CADM2: variants seen among roughly 807,000 people sequenced by gnomAD.
CADM2 encodes the protein immunoglobulin superfamily member 4D.
In CADM2, 12 loss-of-function variants were observed where a neutral mutation model predicts 49.8. That is an observed-to-expected ratio of 0.24 (90% CI 0.15 to 0.39). CADM2 has a LOEUF of 0.39. Ranked by LOEUF, CADM2 falls within the 10% of genes least tolerant of loss-of-function variation. The pLI, the probability that CADM2 is intolerant of heterozygous loss-of-function variation, is 1.00. For missense variants in CADM2, 378 were observed against 492.3 expected, an observed-to-expected ratio of 0.77 and a Z score of 2.20; for synonymous variants, 214 against 175.4, an observed-to-expected ratio of 1.22 and a Z score of -1.74.
intron 1 of CADM2, among the ~76,000 whole-genome samples, chr3:84,967,295 G>T (rs906912440): frequency 2.3e-4 from 35 of 151,826 alleles, no homozygotes; most frequent in African/African-American, 8.2e-4. Flanking sequence ...AAACATCAAG[G>T]CCTAAAATTT....
chr3:86,027,137 A>G (rs1188289014), intron 8 of CADM2, among the ~76,000 whole-genome samples: 1 of 152,170 alleles, frequency 6.6e-6, no homozygotes, highest in East Asian at 1.9e-4. Context: ...TAAGTTTGCT[A>G]TTTGAAAACT....
chr3:85,034,829 AGGCTTGCCCT>A (rs1368550801), intron 1 of CADM2, among the ~76,000 whole-genome samples: 1 of 110,424 alleles, frequency 9.1e-6, no homozygotes, highest in African/African-American at 4.0e-5. Flanking sequence ...CCTGAGACAG[AGGCTTGCCCT>A]GTCACCCAGG....
At chr3:85,521,240 G>A (rs2061020526) in intron 1 of CADM2, among the ~76,000 whole-genome samples, 1 of 152,020 alleles carries the variant, frequency 6.6e-6, no homozygotes, top group African/African-American at 2.4e-5. Flanking sequence ...CTTTGGATGT[G>A]CCACAGTAAT....
rs529105232 is a variant in CADM2 at position 85,451,238 on chromosome 3, C to T, written c.62-275284C>T. ...AATTAAAAGACCAGGAAGTCTCTTT[C>T]AGAAAGAATGGGAATGAATCTATAT... On this transcript the variant is annotated intron_variant, in intron 1 of 9. Coordinates refer to ENST00000383699, the MANE Select transcript of CADM2 (RefSeq NM_001167675.2). Among the ~76,000 whole-genome samples the T allele has an allele frequency of 1.5e-4, 23 of 152,026 alleles. No homozygotes were observed. The East Asian group carries it at 3.9e-3, about 26-fold the overall frequency.
intron 1 of CADM2, among the ~76,000 whole-genome samples, chr3:85,538,517 TC>T (rs1263178631): frequency 6.6e-6 from 1 of 152,144 alleles, no homozygotes; most frequent in Non-Finnish European, 1.5e-5. Flanking sequence ...ACTGCTTTGT[TC>T]ATGTTTGTTT....
At chr3:85,266,861 C>T (rs2043131621) in intron 1 of CADM2, among the ~76,000 whole-genome samples, 1 of 151,778 alleles carries the variant, frequency 6.6e-6, no homozygotes, top group South Asian at 2.1e-4. Context: ...CAACTTAAAG[C>T]ATGAAAACAT....
intron 1 of CADM2, among the ~76,000 whole-genome samples, chr3:85,089,285 A>G (rs995123938): frequency 6.6e-6 from 1 of 152,080 alleles, no homozygotes; most frequent in African/African-American, 2.4e-5. Context: ...TTTGGCATTA[A>G]ATTCACTTCT....
intron 8 of CADM2, among the ~76,000 whole-genome samples, chr3:86,004,101 T>C (rs1162028670): frequency 2.0e-5 from 3 of 151,806 alleles, no homozygotes; most frequent in Non-Finnish European, 4.4e-5. Context: ...GAAAGGAAGA[T>C]AGTGGTTGCT....
chr3:85,239,263 G>A (rs866192014), intron 1 of CADM2, among the ~76,000 whole-genome samples: 1 of 151,732 alleles, frequency 6.6e-6, no homozygotes, highest in South Asian at 2.1e-4. Flanking sequence ...CTTATATGCC[G>A]ATGTCTTTTG....
chr3:85,098,164 A>G (rs2037874212), intron 1 of CADM2, among the ~76,000 whole-genome samples: 1 of 152,130 alleles, frequency 6.6e-6, no homozygotes, highest in Non-Finnish European at 1.5e-5. Context: ...TGGCATAGGA[A>G]GAAGAGAAAG....
intron 1 of CADM2, among the ~76,000 whole-genome samples, chr3:85,177,441 C>G (rs1453401712): frequency 6.6e-6 from 1 of 151,796 alleles, no homozygotes; most frequent in Non-Finnish European, 1.5e-5. Context: ...TAAGTTTACA[C>G]TTTTATAGCA....
At chr3:85,492,745 C>G (rs1225372965) in intron 1 of CADM2, among the ~76,000 whole-genome samples, 1 of 151,834 alleles carries the variant, frequency 6.6e-6, no homozygotes, top group African/African-American at 2.4e-5. Context: ...TAATTCCTAT[C>G]ATTATGCAGT....
intron 1 of CADM2, among the ~76,000 whole-genome samples, chr3:84,983,551 A>G (rs1205773716): frequency 1.3e-5 from 2 of 152,084 alleles, no homozygotes; most frequent in Admixed American, 6.6e-5. Context: ...TTTCTGTTCA[A>G]AGTTCTTAGA....
At chr3:84,991,801 A>C (rs1275849226) in intron 1 of CADM2, among the ~76,000 whole-genome samples, 3 of 152,210 alleles carry the variant, frequency 2.0e-5, no homozygotes, top group Admixed American at 1.3e-4. Context: ...AAACAATGGC[A>C]CATTATTCAC....
chr3:85,759,127 A>T (rs1279024261), intron 2 of CADM2, among the ~76,000 whole-genome samples: 4 of 152,050 alleles, frequency 2.6e-5, no homozygotes, highest in Admixed American at 6.6e-5. Context: ...AAAATAATAA[A>T]TGTATGGATA....
intron 1 of CADM2, among the ~76,000 whole-genome samples, chr3:85,215,447 T>C (rs1261711768): frequency 6.6e-6 from 1 of 151,684 alleles, no homozygotes; most frequent in East Asian, 1.9e-4. Context: ...TAAATTTGTG[T>C]CATGGGAGGT....
At chr3:85,281,226 G>C (rs907651959) in intron 1 of CADM2, among the ~76,000 whole-genome samples, 3 of 151,700 alleles carry the variant, frequency 2.0e-5, no homozygotes, top group Non-Finnish European at 4.4e-5. Context: ...GCAAAATAAT[G>C]GAGAAGTGTT....
intron 3 of CADM2, among the ~76,000 whole-genome samples, chr3:85,812,037 A>T (rs1008779043): frequency 6.6e-6 from 1 of 152,120 alleles, no homozygotes; most frequent in African/African-American, 2.4e-5. Context: ...AAATATTGCT[A>T]TGCCCTGGGA....
At chr3:85,093,295 C>A (rs1436192155) in intron 1 of CADM2, among the ~76,000 whole-genome samples, 1 of 151,892 alleles carries the variant, frequency 6.6e-6, no homozygotes, top group Non-Finnish European at 1.5e-5. Context: ...CCGAGGTGGG[C>A]AGATCAAGAG....
Sources: gnomAD v4.1 joint callset for allele counts (sites outside exome capture counted in the v4.1 genomes callset) on GRCh38, gnomAD v4.1.1 for gene constraint, MANE v1.5 for transcripts, NCBI Gene and HGNC (gene_info 2026-07-23, HGNC 2026-07-21) for gene names.